SLC35F2: variants seen among roughly 807,000 people sequenced by gnomAD.
SLC35F2 encodes solute carrier family 35 member F2.
In SLC35F2, 25 loss-of-function variants were observed where a neutral mutation model predicts 38.1. The observed-to-expected ratio is 0.66, with a 90% confidence interval of 0.48 to 0.92. The LOEUF is 0.92. SLC35F2 is among the 40% of genes least tolerant of loss of function. The pLI, the probability that SLC35F2 is intolerant of heterozygous loss-of-function variation, is 0.00. For missense variants in SLC35F2, 409 were observed against 452.9 expected (o/e 0.90, Z 0.88); for synonymous variants, 173 against 181.7 (o/e 0.95, Z 0.38).
rs1231643816 is a variant in SLC35F2, at chr11:107,791,559, G to A, written c.*1056C>T. On this transcript the variant is annotated 3_prime_UTR_variant, in exon 8 of 8. Transcript: ENST00000525815. ...GTTTGCTCTGGGACCTGGAATGAGT[G>A]ATGGAGAAATGTTTTAAACAAACAA... 1 of 152,202 alleles carries A rather than the reference G, an allele frequency of 6.6e-6. No homozygotes were observed. Among genetic ancestry groups the A allele is most frequent in the Non-Finnish European group, 1.5e-5 (1 of 68,068 alleles). 9.4% of individuals were successfully genotyped at this position (152,202 alleles called of 1,614,324 possible).
intron 1 of SLC35F2, among the ~76,000 whole-genome samples, chr11:107,831,089 G>A (rs1405677766): frequency 2.0e-5 from 3 of 151,930 alleles, no homozygotes; most frequent in Admixed American, 6.6e-5. Flanking sequence ...GAATCAATAC[G>A]GGCTGGCACA....
chr11:107,825,905 T>C (rs1859747254), intron 1 of SLC35F2, among the ~76,000 whole-genome samples: 1 of 152,120 alleles, frequency 6.6e-6, no homozygotes, highest in Non-Finnish European at 1.5e-5. Flanking sequence ...ATAATAAATC[T>C]CTATTTCAGC....
At chr11:107,838,522 A>T (rs1177156896) in intron 1 of SLC35F2, among the ~76,000 whole-genome samples, 2 of 149,618 alleles carry the variant, frequency 1.3e-5, no homozygotes, top group East Asian at 4.0e-4. Flanking sequence ...ATGGGGTTTC[A>T]CCATGTTGGC....
intron 1 of SLC35F2, among the ~76,000 whole-genome samples, chr11:107,839,698 G>A (rs185675137): frequency 6.6e-6 from 1 of 152,332 alleles, no homozygotes; most frequent in Admixed American, 6.5e-5. Flanking sequence ...TTGTAGCCCA[G>A]GATGGATTGC....
chr11:107,828,349 G>A (rs995270748), intron 1 of SLC35F2, among the ~76,000 whole-genome samples: 34 of 150,450 alleles, frequency 2.3e-4, no homozygotes, highest in African/African-American at 7.6e-4. Flanking sequence ...CAGGAGAATC[G>A]CTTGAAACCG....
chr11:107,839,765 T>C (rs1410020894), intron 1 of SLC35F2, among the ~76,000 whole-genome samples: 8 of 152,036 alleles, frequency 5.3e-5, no homozygotes, highest in Admixed American at 5.2e-4. Flanking sequence ...GCGATTCTCT[T>C]GCCTCAGCCT....
At position 107,838,690 on chromosome 11, in the gene SLC35F2, G is replaced by A. The variant is rs1425515925; in HGVS notation, c.110+19968C>T. Among the ~76,000 whole-genome samples, 8 of 141,104 alleles carry A rather than the reference G, an allele frequency of 5.7e-5. No individual in the cohort carries two copies. In the East Asian group the frequency reaches 8.4e-4, roughly 15 times the overall value. The allele number at this position is 141,104 out of a possible 152,430, so 92.6% of individuals were successfully genotyped here. Reference sequence around the variant, plus strand: ...GTCCCCCAGGCTGGAGTGCAGTGGCGCTATCTCATCTCACTGCAACCTCTG... The same window carrying A: ...GTCCCCCAGGCTGGAGTGCAGTGGCACTATCTCATCTCACTGCAACCTCTG... On this transcript the variant is annotated intron_variant, in intron 1 of 7. Transcript: ENST00000525815.
chr11:107,799,903 T>G (rs1423707704), intron 7 of SLC35F2, among the ~76,000 whole-genome samples: 1 of 151,168 alleles, frequency 6.6e-6, no homozygotes, highest in African/African-American at 2.4e-5. Context: ...GTTTTTTTTT[T>G]TTTGAGACAG....
At chr11:107,801,761 A>G (rs1859314185) in intron 7 of SLC35F2, among the ~76,000 whole-genome samples, 1 of 152,228 alleles carries the variant, frequency 6.6e-6, no homozygotes, top group South Asian at 2.1e-4. Context: ...TGATGCAATC[A>G]TAAGCTTGAG....
intron 1 of SLC35F2, among the ~76,000 whole-genome samples, chr11:107,852,343 A>G (rs995790629): frequency 1.3e-5 from 2 of 151,800 alleles, no homozygotes; most frequent in Admixed American, 6.6e-5. Flanking sequence ...CGAGGTGAGG[A>G]GTTTGAGATC....
chr11:107,813,434 A>T (rs1859514658), intron 2 of SLC35F2, among the ~76,000 whole-genome samples: 1 of 152,124 alleles, frequency 6.6e-6, no homozygotes, highest in Admixed American at 6.5e-5. Flanking sequence ...ACTGCATTCC[A>T]GCCTGGGCAA....
rs1013486113 is a variant in SLC35F2 at position 107,795,653 on chromosome 11, C to T, written c.940-2853G>A. Among the ~76,000 whole-genome samples, 9 of 151,836 alleles carry T rather than the reference C, an allele frequency of 5.9e-5. No individual in the cohort carries two copies. The East Asian group carries it at 7.7e-4, about 13-fold the overall frequency. ...ACAAATAATCCTATTAAAAAGTGGG[C>T]GAAGGACATGAATAAACATTCACCA... On this transcript the variant is annotated intron_variant, in intron 7 of 7. Transcript: ENST00000525815.
At chr11:107,816,358 T>G in intron 1 of SLC35F2, 2 of 908,842 alleles carry the variant, frequency 2.2e-6, no homozygotes, top group Non-Finnish European at 2.6e-6. Context: ...CACAGCTCAC[T>G]GCAGCCTTGA....
Position 107,806,767 on chromosome 11 carries a change from A to G in SLC35F2, c.524T>C (p.Val175Ala), listed in dbSNP as rs765691844. The G allele has an allele frequency of 1.2e-6, 2 of 1,613,956 alleles. No individual in the cohort carries two copies. The highest frequency in any genetic ancestry group is 2.7e-5 in the African/African-American group (2 of 74,926). The change falls in exon 4 of 8, where the codon GTA (valine) becomes GCA (alanine). Residue 175 changes from valine to alanine, a missense_variant. Physicochemically the swap from Val to Ala is moderately conservative, Grantham distance 64 (BLOSUM62 0). Transcript: ENST00000525815. ...TATGTCTGCACCAACCATGGTTCCT[A>G]CACCCAACAGACAGACAGCCACGGC... ...FIAVAVCLLG[V>A]GTMVGADILA...
chr11:107,840,120 C>G (rs1179305321), intron 1 of SLC35F2, among the ~76,000 whole-genome samples: 1 of 152,180 alleles, frequency 6.6e-6, no homozygotes, highest in African/African-American at 2.4e-5. Context: ...CCCCACAACT[C>G]TTCTGTGAGA....
chr11:107,843,087 T>C (rs1369665587), intron 1 of SLC35F2, among the ~76,000 whole-genome samples: 1 of 152,200 alleles, frequency 6.6e-6, no homozygotes, highest in Non-Finnish European at 1.5e-5. Flanking sequence ...GATATCCTTT[T>C]TATAAAGTCA....
intron 7 of SLC35F2, among the ~76,000 whole-genome samples, chr11:107,800,305 G>T (rs2134764731): frequency 6.9e-6 from 1 of 145,568 alleles, no homozygotes; most frequent in South Asian, 2.1e-4. Context: ...ATGTAACCTT[G>T]CAAACCAAAG....
intron 7 of SLC35F2, among the ~76,000 whole-genome samples, chr11:107,793,804 A>G (rs557650349): frequency 6.6e-6 from 1 of 152,188 alleles, no homozygotes; most frequent in East Asian, 1.9e-4. Flanking sequence ...CTCTGTTCCC[A>G]GAAGGACCAA....
chr11:107,832,487 A>G (rs1173025509), intron 1 of SLC35F2, among the ~76,000 whole-genome samples: 1 of 152,160 alleles, frequency 6.6e-6, no homozygotes, highest in Non-Finnish European at 1.5e-5. Context: ...TATTCTGTAC[A>G]TACTAGTTTT....
Sources: gnomAD v4.1 joint callset for allele counts (sites outside exome capture counted in the v4.1 genomes callset) on GRCh38, gnomAD v4.1.1 for gene constraint, MANE v1.5 for transcripts, NCBI Gene and HGNC (gene_info 2026-07-23, HGNC 2026-07-21) for gene names.